The following LAMA4 variants were observed in gnomAD, a reference collection of about 807,000 sequenced individuals.
LAMA4 encodes the protein laminin subunit alpha 4, also known as laminin subunit alpha-4.
In LAMA4, 127 loss-of-function variants were observed where a neutral mutation model predicts 207.1. That is an observed-to-expected ratio of 0.61 (90% CI 0.53 to 0.71). The LOEUF is 0.71. Among genes scored for constraint, LAMA4 ranks in the 30% least tolerant of loss-of-function variants. The pLI, the probability that LAMA4 is intolerant of heterozygous loss-of-function variation, is 0.00. For missense variants in LAMA4, 2,093 were observed against 2,246.5 expected (o/e 0.93, Z 1.38); for synonymous variants, 761 against 816.0 (o/e 0.93, Z 1.15).
intron 2 of LAMA4, among the ~76,000 whole-genome samples, chr6:112,237,858 TG>T (rs1786049402): frequency 6.6e-6 from 1 of 152,202 alleles, no homozygotes; most frequent in African/African-American, 2.4e-5. Context: ...ATGCACGACA[TG>T]GGTTATCCTG....
intron 5 of LAMA4, among the ~76,000 whole-genome samples, chr6:112,197,670 A>C (rs1346189574): frequency 6.6e-6 from 1 of 152,196 alleles, no homozygotes; most frequent in African/African-American, 2.4e-5. Context: ...CTTATAACCA[A>C]ATGTCCACTT....
At chr6:112,171,846 C>T (rs530547788) in intron 12 of LAMA4, 1 of 152,338 alleles carries the variant, frequency 6.6e-6, no homozygotes, top group East Asian at 1.9e-4. Context: ...GCTAGAGAGC[C>T]TAGTTTAAGT....
chr6:112,240,065 A>C (rs1554187340), intron 2 of LAMA4, among the ~76,000 whole-genome samples: 1 of 151,764 alleles, frequency 6.6e-6, no homozygotes, highest in Non-Finnish European at 1.5e-5. Flanking sequence ...CAAAAAAACA[A>C]AAAAAAAGTC....
chr6:112,241,104 T>TATATATATATGA lies in LAMA4; in HGVS notation c.195+12840_195+12851dup, dbSNP rs1173522737. The stretch of plus-strand genomic sequence containing the variant: ...GCATAGCTGGAGTCACATGAATATA[T>TATATATATATGA]ATATATATATGAATATATATATGAA... On this transcript the variant is annotated intron_variant, in intron 2 of 38. Coordinates refer to ENST00000230538, the MANE Select transcript of LAMA4 (RefSeq NM_001105206.3). Among the ~76,000 whole-genome samples, 6 of 96,150 alleles carry TATATATATATGA rather than the reference T, an allele frequency of 6.2e-5. 1 individual carries two copies. The highest frequency in any genetic ancestry group is 1.2e-4 in the Non-Finnish European group (5 of 43,446). 63.1% of individuals were successfully genotyped at this position (96,150 alleles called of 152,430 possible).
At position 112,120,330 on chromosome 6, in the gene LAMA4, G is replaced by GT. The variant is rs1554325717; in HGVS notation, c.4617dup (p.Leu1540ThrfsTer4). The GT allele has an allele frequency of 3.7e-6, 6 of 1,613,508 alleles. No homozygotes were observed. The highest frequency in any genetic ancestry group is 4.2e-6 in the Non-Finnish European group (5 of 1,179,866). On this transcript the variant is annotated frameshift_variant, in exon 33 of 39. Transcript: ENST00000230538. LOFTEE classifies it high-confidence loss of function. The stretch of plus-strand genomic sequence containing the variant: ...TATTTCTCCTGGCTTCTAATCTTCA[G>GT]TTTTTTGTGACCAACATTAAACATG...
chr6:112,189,240 C>T, intron 6 of LAMA4, 35 bp from the exon 7 acceptor site: 1 of 1,412,896 alleles, frequency 7.1e-7, no homozygotes, highest in Admixed American at 1.7e-5. Context: ...GAGAAATGCA[C>T]TTCTTAATGC....
chr6:112,175,716 G>A (rs1781986141), intron 10 of LAMA4, among the ~76,000 whole-genome samples: 1 of 152,210 alleles, frequency 6.6e-6, no homozygotes, highest in Non-Finnish European at 1.5e-5. Flanking sequence ...CTTCCCATGC[G>A]GGGTCTTCAG....
In LAMA4 at chr6:112,175,364, A is replaced by G; in HGVS notation, c.1306T>C (p.Phe436Leu). The change falls in exon 11 of 39, where the codon TTT (phenylalanine) becomes CTT (leucine). Residue 436 changes from phenylalanine (F) to leucine (L), a missense_variant. Physicochemically the swap from Phe to Leu is conservative, Grantham distance 22. Around this residue, in one of 3 missense-constraint regions of LAMA4, gnomAD observed 1,704 missense variants for 1,788.4 expected, o/e 0.95. Coordinates refer to ENST00000230538, the MANE Select transcript of LAMA4 (RefSeq NM_001105206.3). ...TCCACGAGCTCCCGTTGGGTGAAAA[A>G]TGGTTGACGGCTTCTAATCTCTTCA... ...MLEEIRSRQP[F>L]FTQRELVDEE... is the part of the protein sequence containing the mutation. The G allele has an allele frequency of 5.6e-6, 9 of 1,614,128 alleles. No homozygotes were observed. Among genetic ancestry groups the G allele is most frequent in the Non-Finnish European group, 7.6e-6 (9 of 1,180,014 alleles).
chr6:112,202,755 C>G (rs1783831579), intron 4 of LAMA4, among the ~76,000 whole-genome samples: 1 of 152,180 alleles, frequency 6.6e-6, no homozygotes, highest in African/African-American at 2.4e-5. Context: ...CTTTATTTTG[C>G]TTGTTCTGAT....
chr6:112,249,415 A>C (rs9487863), intron 2 of LAMA4, among the ~76,000 whole-genome samples: 77,121 of 144,964 alleles, frequency 0.53, 20,992 homozygotes, highest in Non-Finnish European at 0.58. Context: ...TGCACTCCAG[A>C]CAGGCAATAG....
At position 112,254,084 on chromosome 6, in the gene LAMA4, G is replaced by A. The variant is rs565010008; in HGVS notation, c.67C>T (p.Arg23Cys). ...GCGTTGTCGTCCCCGGACGCGGCGC[G>A]GGAGCAGGCAGCGCTCCAGAGGAGC... ...LWLLWSAACS[R>C]AASGDDNAFP... The change falls in exon 2 of 39, where the codon CGC becomes TGC. Residue 23 changes from arginine to cysteine, a missense_variant. Transcript: ENST00000230538. 42 of 1,612,138 alleles carry A rather than the reference G, an allele frequency of 2.6e-5. No individual in the cohort carries two copies. In the East Asian group the frequency reaches 4.5e-4, roughly 17 times the overall value.
At position 112,109,453 on chromosome 6, in the gene LAMA4, G is replaced by A; in HGVS notation, c.5456C>T (p.Ser1819Phe). The A allele has an allele frequency of 3.1e-6, 5 of 1,614,010 alleles. No homozygotes were observed. Among genetic ancestry groups the A allele is most frequent in the Non-Finnish European group, 4.2e-6 (5 of 1,179,972 alleles). The change falls in exon 39 of 39, where the codon TCC becomes TTC. Residue 1819 changes from serine to phenylalanine, a missense_variant. Coordinates refer to ENST00000230538, the MANE Select transcript of LAMA4 (RefSeq NM_001105206.3). ...ALVSGAVSIN[S>F]CPAA ...TCTGTCATGTCAGGCTGCTGGACAGGAGTTGATGCTTACGGCGCCGCTGAC... is the reference window on the plus strand; with the variant it reads ...TCTGTCATGTCAGGCTGCTGGACAGAAGTTGATGCTTACGGCGCCGCTGAC...
chr6:112,173,534 G>C (rs1458594522), intron 11 of LAMA4, among the ~76,000 whole-genome samples: 2 of 152,146 alleles, frequency 1.3e-5, no homozygotes, highest in African/African-American at 2.4e-5. Flanking sequence ...GATGTGATTG[G>C]TCCCACTTCT....
At position 112,178,299 on chromosome 6, in the gene LAMA4, G is replaced by A; in HGVS notation, c.1078-67C>T. 5.6e-6 allele frequency: 6 copies of A among 1,069,814 alleles called. No individual in the cohort carries two copies. In the South Asian group the frequency reaches 6.4e-5, roughly 11 times the overall value. 66.3% of individuals were successfully genotyped at this position (1,069,814 alleles called of 1,614,324 possible). On this transcript the variant is annotated intron_variant, in intron 9 of 38. Transcript: ENST00000230538. ...AAAGAATGTTGTATAAGCACAGATA[G>A]GGGTGGGTGGGCATAATGTATTTCC...
At chr6:112,253,819 CG>C in intron 2 of LAMA4, 136 bp downstream of exon 2, 1 of 1,614,210 alleles carries the variant, frequency 6.2e-7, no homozygotes, top group Non-Finnish European at 8.5e-7. Flanking sequence ...TTCAAGTTTC[CG>C]AACTGACCTA....
intron 24 of LAMA4, among the ~76,000 whole-genome samples, chr6:112,136,795 T>C (rs1176922791): frequency 6.6e-6 from 1 of 152,224 alleles, no homozygotes; most frequent in Non-Finnish European, 1.5e-5. Context: ...TTCTTCTGTT[T>C]TCATTCTACT....
intron 3 of LAMA4, chr6:112,213,834 G>A (rs1784482290): frequency 1.2e-5 from 5 of 420,350 alleles, no homozygotes; most frequent in Non-Finnish European, 1.7e-5. Flanking sequence ...ATGCCTTCAA[G>A]ATAAAAGCAA....
Position 112,158,875 on chromosome 6 carries a change from C to A in LAMA4, c.1674G>T (p.Ala558=), listed in dbSNP as rs150809897. 1.9e-6 allele frequency: 3 copies of A among 1,609,056 alleles called. No homozygotes were observed. The highest frequency in any genetic ancestry group is 1.1e-5 in the South Asian group (1 of 90,834). The change falls in exon 14 of 39, where the codon GCG becomes GCT. Residue 558 remains alanine (A), a synonymous_variant. Coordinates refer to ENST00000230538, the MANE Select transcript of LAMA4 (RefSeq NM_001105206.3). ...LSELDDIIKN[A]SGIYAEIDGA... ...CATCTATTTCTGCATAAATCCCTGA[C>A]GCATTCTAAAGAAAAAAATTTTAAT...
intron 16 of LAMA4, among the ~76,000 whole-genome samples, 156 bp from the exon 17 acceptor site, chr6:112,150,783 T>C (rs1294342598): frequency 1.3e-5 from 2 of 152,232 alleles, no homozygotes; most frequent in African/African-American, 2.4e-5. Flanking sequence ...TTCTGGAAAG[T>C]AGCATTTAAA....
Sources: allele counts gnomAD v4.1 joint callset (sites outside exome capture counted in the v4.1 genomes callset), GRCh38; gene constraint gnomAD v4.1.1; regional missense constraint gnomAD v4.1.1; transcripts MANE v1.5; gene names NCBI Gene and HGNC (gene_info 2026-07-23, HGNC 2026-07-21).